The following KCNIP4 variants were observed in gnomAD, a reference collection of about 807,000 sequenced individuals.
KCNIP4 encodes potassium voltage-gated channel interacting protein 4.
KCNIP4 carries 12 observed loss-of-function variants against 34.0 expected under a neutral mutation model. That is an observed-to-expected ratio of 0.35 (90% CI 0.23 to 0.57). The LOEUF (loss-of-function observed/expected upper bound fraction) is 0.57, where lower values mean the gene tolerates loss of function less well. Ranked by LOEUF, KCNIP4 falls within the 20% of genes least tolerant of loss-of-function variation. KCNIP4 has a pLI of 0.83. For synonymous variants in KCNIP4, 124 were observed against 102.2 expected, an observed-to-expected ratio of 1.21 and a Z score of -1.29; for missense variants, 238 against 311.7, an observed-to-expected ratio of 0.76 and a Z score of 1.78.
At chr4:21,288,596 CT>C (rs1560255876) in intron 1 of KCNIP4, among the ~76,000 whole-genome samples, 2 of 152,088 alleles carry the variant, frequency 1.3e-5, no homozygotes, top group African/African-American at 4.8e-5. Flanking sequence ...TTATTATCTT[CT>C]TTTTACTGAT....
Position 20,749,060 on chromosome 4 carries a change from A to C in KCNIP4, c.429+602T>G, listed in dbSNP as rs192533752. On this transcript the variant is annotated intron_variant, in intron 5 of 8. Transcript: ENST00000382152. ...GTAATCCCAGCTACTCAGGAGGCTG[A>C]GACAGGAGAATCACTTGAACCTGGG... Among the ~76,000 whole-genome samples the C allele has an allele frequency of 4.4e-4, 67 of 151,908 alleles. 1 individual carries two copies. In the East Asian group the frequency reaches 9.5e-3, roughly 22 times the overall value.
At chr4:21,090,058 C>T (rs143583072) in intron 1 of KCNIP4, among the ~76,000 whole-genome samples, 6 of 152,248 alleles carry the variant, frequency 3.9e-5, no homozygotes, top group African/African-American at 1.2e-4. Flanking sequence ...CAAATTTCCC[C>T]TTCCCAGAAC....
Position 21,458,367 on chromosome 4 carries a change from C to A in KCNIP4, c.61+490204G>T, listed in dbSNP as rs553765007. ...CATAGTATTCCATGGTGTATATGTG[C>A]CACATTTTCTTAATCCAGTCTATCA... On this transcript the variant is annotated intron_variant, in intron 1 of 8. Transcript: ENST00000382152. 4.0e-5 allele frequency among the ~76,000 whole-genome samples: 6 copies of A among 151,806 alleles called. 1 individual carries two copies. In the South Asian group the frequency reaches 1.0e-3, roughly 26 times the overall value.
intron 1 of KCNIP4, among the ~76,000 whole-genome samples, chr4:21,407,213 C>A (rs1014641869): frequency 6.6e-6 from 1 of 151,470 alleles, no homozygotes; most frequent in Non-Finnish European, 1.5e-5. Context: ...CATAAAATTC[C>A]CTCTGCCTAG....
chr4:21,332,976 G>A (rs1178957923), intron 1 of KCNIP4, among the ~76,000 whole-genome samples: 3 of 151,894 alleles, frequency 2.0e-5, no homozygotes, highest in African/African-American at 7.2e-5. Context: ...ATACACCAAG[G>A]TCTTTACCAG....
At chr4:21,883,208 C>T (rs917710938) in intron 1 of KCNIP4, among the ~76,000 whole-genome samples, 2 of 149,396 alleles carry the variant, frequency 1.3e-5, no homozygotes, top group African/African-American at 4.9e-5. Context: ...GTCACTCAGG[C>T]AATCACAGCT....
chr4:21,943,737 T>C (rs1456093050), intron 1 of KCNIP4, among the ~76,000 whole-genome samples: 2 of 152,072 alleles, frequency 1.3e-5, no homozygotes, highest in Middle Eastern at 6.3e-3. Flanking sequence ...AATCTATGAC[T>C]CAAGTTAGGT....
At chr4:21,804,333 T>C (rs1721174760) in intron 1 of KCNIP4, among the ~76,000 whole-genome samples, 1 of 152,220 alleles carries the variant, frequency 6.6e-6, no homozygotes, top group South Asian at 2.1e-4. Flanking sequence ...AGTGGTCTTG[T>C]TTTTGTCTCA....
chr4:21,514,056 G>T (rs1734557162), intron 1 of KCNIP4, among the ~76,000 whole-genome samples: 3 of 152,154 alleles, frequency 2.0e-5, no homozygotes, highest in African/African-American at 7.2e-5. Flanking sequence ...AGATGACAAA[G>T]ACCTTGAGAA....
chr4:21,198,566 G>A (rs972463471), intron 1 of KCNIP4, among the ~76,000 whole-genome samples: 1 of 152,180 alleles, frequency 6.6e-6, no homozygotes, highest in Admixed American at 6.5e-5. Flanking sequence ...GCAGTCTCCT[G>A]TATGCAAGTC....
chr4:21,111,501 A>G (rs6448016), intron 1 of KCNIP4, among the ~76,000 whole-genome samples: 44,275 of 152,086 alleles, frequency 0.29, 7,114 homozygotes, highest in African/African-American at 0.44. Context: ...AATCCTTTGA[A>G]GTCCTTCTCA....
At chr4:21,500,255 A>G (rs966067645) in intron 1 of KCNIP4, among the ~76,000 whole-genome samples, 1 of 152,152 alleles carries the variant, frequency 6.6e-6, no homozygotes, top group Admixed American at 6.6e-5. Context: ...TGAAGCCATC[A>G]TGGAAACCAA....
intron 1 of KCNIP4, among the ~76,000 whole-genome samples, chr4:21,902,808 T>C (rs1416005200): frequency 4.6e-5 from 7 of 152,116 alleles, no homozygotes; most frequent in Admixed American, 3.3e-4. Flanking sequence ...AAGATTATAA[T>C]GGAAGGGACT....
chr4:21,292,288 T>C (rs1560260724), intron 1 of KCNIP4, among the ~76,000 whole-genome samples: 2 of 152,144 alleles, frequency 1.3e-5, no homozygotes, highest in Non-Finnish European at 2.9e-5. Context: ...TCCCATACCC[T>C]TCCTACCTTG....
chr4:21,944,246 T>C lies in KCNIP4; in HGVS notation c.61+4325A>G, dbSNP rs528030651. ...AATGGGCAAAAAGAGGAAATAAGTGTCATAAAAGGAGATCTGGCTGGGCGC... is the reference window on the plus strand; with the variant it reads ...AATGGGCAAAAAGAGGAAATAAGTGCCATAAAAGGAGATCTGGCTGGGCGC... On this transcript the variant is annotated intron_variant, in intron 1 of 8. Coordinates refer to ENST00000382152, the MANE Select transcript of KCNIP4 (RefSeq NM_025221.6). Among the ~76,000 whole-genome samples, 9 of 151,904 alleles carry C rather than the reference T, an allele frequency of 5.9e-5. No individual in the cohort carries two copies. In the South Asian group the frequency reaches 1.9e-3, roughly 32 times the overall value.
At chr4:21,217,077 A>T (rs560168725) in intron 1 of KCNIP4, among the ~76,000 whole-genome samples, 1 of 152,290 alleles carries the variant, frequency 6.6e-6, no homozygotes, top group South Asian at 2.1e-4. Flanking sequence ...TTTCATTACG[A>T]GCTACGAAGT....
At chr4:20,934,389 T>G (rs73242573) in intron 1 of KCNIP4, among the ~76,000 whole-genome samples, 6,965 of 152,300 alleles carry the variant, frequency 0.046, 189 homozygotes, top group Middle Eastern at 0.1. Flanking sequence ...TACTAGATCA[T>G]TCCACATCAT....
chr4:21,676,985 GA>G (rs35394005), intron 1 of KCNIP4, among the ~76,000 whole-genome samples: 96,946 of 141,444 alleles, frequency 0.69, 32,913 homozygotes, highest in African/African-American at 0.82. Context: ...ATATGTTCCA[GA>G]AAAAAAAAAA....
At chr4:21,412,281 A>G (rs1040424680) in intron 1 of KCNIP4, among the ~76,000 whole-genome samples, 2 of 152,120 alleles carry the variant, frequency 1.3e-5, no homozygotes, top group Non-Finnish European at 2.9e-5. Flanking sequence ...AAAACCTGCG[A>G]TCCCATTGCA....
Sources: gnomAD v4.1 joint callset for allele counts (sites outside exome capture counted in the v4.1 genomes callset) on GRCh38, gnomAD v4.1.1 for gene constraint, MANE v1.5 for transcripts, NCBI Gene and HGNC (gene_info 2026-07-23, HGNC 2026-07-21) for gene names.